The following TENM4 variants were observed in gnomAD, a reference collection of about 807,000 sequenced individuals.
TENM4 encodes teneurin-4.
Under a neutral mutation model 243.3 loss-of-function variants are expected in TENM4, and 82 were observed. The ratio of observed to expected loss-of-function variants is 0.34; its 90% CI spans 0.28 to 0.40. The LOEUF is 0.40. Ranked by LOEUF, TENM4 falls within the 10% of genes least tolerant of loss-of-function variation. TENM4 has a pLI of 1.00. For missense variants in TENM4, 3,138 were observed against 3,673.3 expected (o/e 0.85, Z 3.77); for synonymous variants, 1,412 against 1,456.3 (o/e 0.97, Z 0.69).
chr11:79,288,965 A>G (rs1471491962), intron 2 of TENM4, among the ~76,000 whole-genome samples: 1 of 152,214 alleles, frequency 6.6e-6, no homozygotes, highest in Non-Finnish European at 1.5e-5. Context: ...GCTTGGATGA[A>G]GTGTGGTGAG....
intron 1 of TENM4, among the ~76,000 whole-genome samples, chr11:79,373,086 C>T (rs1030314886): frequency 6.6e-6 from 1 of 152,134 alleles, no homozygotes; most frequent in Non-Finnish European, 1.5e-5. Flanking sequence ...TATCTAAAGA[C>T]ATTAAATATA....
At position 78,701,965 on chromosome 11, in the gene TENM4, G is replaced by A; in HGVS notation, c.4648C>T (p.Leu1550Phe). 6.2e-7 allele frequency: 1 copy of A among 1,614,028 alleles called. No homozygotes were observed. Among genetic ancestry groups the A allele is most frequent in the East Asian group, 2.2e-5 (1 of 44,886 alleles). ...SSLAVCADGE[L>F]YVADLGNIRI... ...ATGTTCCCAAGGTCGGCCACGTAGA[G>A]CTCCCCATCAGCACACACAGCCAAG... Residue 1550 changes from leucine (L) to phenylalanine (F), a missense_variant, in exon 28 of 34, where the codon CTC (leucine) becomes TTC (phenylalanine). Coordinates refer to ENST00000278550, the MANE Select transcript of TENM4 (RefSeq NM_001098816.3).
chr11:79,408,601 T>C (rs1316494424), intron 1 of TENM4, among the ~76,000 whole-genome samples: 1 of 152,238 alleles, frequency 6.6e-6, no homozygotes, highest in Non-Finnish European at 1.5e-5. Context: ...GTTAATATTA[T>C]TGACAAACAA....
At chr11:78,979,394 A>T (rs546188906) in intron 6 of TENM4, among the ~76,000 whole-genome samples, 14 of 152,214 alleles carry the variant, frequency 9.2e-5, no homozygotes, top group Non-Finnish European at 2.1e-4. Flanking sequence ...AGAGGCAAAC[A>T]CAAAGATCAA....
At chr11:79,020,225 G>T (rs903303429) in intron 6 of TENM4, among the ~76,000 whole-genome samples, 2 of 152,220 alleles carry the variant, frequency 1.3e-5, no homozygotes, top group African/African-American at 4.8e-5. Flanking sequence ...GAGCAGGGCA[G>T]CTGGGACCAG....
intron 4 of TENM4, among the ~76,000 whole-genome samples, chr11:79,108,346 C>T (rs1861422973): frequency 6.6e-6 from 1 of 152,186 alleles, no homozygotes; most frequent in Admixed American, 6.5e-5. Flanking sequence ...GAAAGATGTT[C>T]TACTTCAAGA....
At chr11:79,078,801 C>G (rs944901350) in intron 4 of TENM4, among the ~76,000 whole-genome samples, 1 of 152,188 alleles carries the variant, frequency 6.6e-6, no homozygotes, top group African/African-American at 2.4e-5. Flanking sequence ...CCCATTTTAT[C>G]GACAAAGAAA....
intron 3 of TENM4, among the ~76,000 whole-genome samples, chr11:79,158,384 C>A (rs1161778590): frequency 6.6e-6 from 1 of 152,188 alleles, no homozygotes; most frequent in Non-Finnish European, 1.5e-5. Flanking sequence ...AATAAGATGG[C>A]TGGGGTTGAG....
At chr11:79,216,579 G>C (rs902698059) in intron 2 of TENM4, among the ~76,000 whole-genome samples, 2 of 152,204 alleles carry the variant, frequency 1.3e-5, no homozygotes, top group Non-Finnish European at 2.9e-5. Context: ...TGATGGCTCT[G>C]CCTTGATGAA....
intron 6 of TENM4, among the ~76,000 whole-genome samples, chr11:78,907,671 C>T (rs568314652): frequency 1.4e-4 from 21 of 152,294 alleles, no homozygotes; most frequent in South Asian, 4.1e-4. Flanking sequence ...CCCCAGCGTC[C>T]GCACAGAGCT....
At chr11:78,869,161 C>G (rs892340954) in intron 9 of TENM4, among the ~76,000 whole-genome samples, 3 of 151,440 alleles carry the variant, frequency 2.0e-5, no homozygotes, top group African/African-American at 7.3e-5. Context: ...AACTCGATGT[C>G]TAAAAATAGG....
chr11:78,687,152 G>A (rs974857357), intron 29 of TENM4, among the ~76,000 whole-genome samples: 2 of 152,084 alleles, frequency 1.3e-5, no homozygotes, highest in Non-Finnish European at 2.9e-5. Context: ...TCACACAGGT[G>A]GGAACTGGCA....
intron 7 of TENM4, among the ~76,000 whole-genome samples, chr11:78,897,677 C>T (rs1238837819): frequency 6.8e-6 from 1 of 146,226 alleles, no homozygotes; most frequent in African/African-American, 2.4e-5. Context: ...TTCTTAATAA[C>T]AGTTGGCTGT....
chr11:78,895,037 C>T (rs1246575789), intron 7 of TENM4, among the ~76,000 whole-genome samples: 2 of 142,434 alleles, frequency 1.4e-5, no homozygotes, highest in African/African-American at 5.1e-5. Context: ...CAGAATGCTA[C>T]TACCGCCTTG....
intron 3 of TENM4, among the ~76,000 whole-genome samples, chr11:79,179,196 G>A (rs1425637923): frequency 1.3e-5 from 2 of 152,172 alleles, no homozygotes; most frequent in African/African-American, 4.8e-5. Context: ...ACCTCACAAC[G>A]TTTGCAAGAG....
At chr11:78,689,519 G>T (rs1858767514) in intron 28 of TENM4, among the ~76,000 whole-genome samples, 1 of 151,902 alleles carries the variant, frequency 6.6e-6, no homozygotes, top group South Asian at 2.1e-4. Flanking sequence ...GGGTAAAGCT[G>T]GCCCCTGGGT....
intron 32 of TENM4, 84 bp downstream of exon 32, chr11:78,668,853 C>T: frequency 6.7e-7 from 1 of 1,486,486 alleles, no homozygotes; most frequent in South Asian, 1.4e-5. Flanking sequence ...CACCTTATGC[C>T]AGCTTTCTCA....
rs189853888 is a variant in TENM4 at position 78,780,358 on chromosome 11, G to A, written c.2366-1730C>T. On this transcript the variant is annotated intron_variant, in intron 16 of 33. Transcript: ENST00000278550. ...ATCTCCCAGGATATGCTATCAAAGG[G>A]CATGAATACATAGAATCACCTGGCT... Among the ~76,000 whole-genome samples the A allele has an allele frequency of 6.6e-4, 100 of 152,280 alleles. 2 individuals are homozygous for A. The highest frequency in any genetic ancestry group is 6.5e-3 in the Admixed American group (99 of 15,296).
intron 2 of TENM4, among the ~76,000 whole-genome samples, chr11:79,282,987 G>A (rs1227026213): frequency 2.6e-5 from 4 of 152,102 alleles, no homozygotes; most frequent in Non-Finnish European, 5.9e-5. Flanking sequence ...GGATGTTGTT[G>A]TTGTTGTTTT....
Sources: gnomAD v4.1 joint callset for allele counts (sites outside exome capture counted in the v4.1 genomes callset) on GRCh38, gnomAD v4.1.1 for gene constraint, MANE v1.5 for transcripts, NCBI Gene and HGNC (gene_info 2026-07-23, HGNC 2026-07-21) for gene names.